The following FGF13 variants were observed in gnomAD, a reference collection of about 807,000 sequenced individuals.
FGF13 encodes the protein fibroblast growth factor 13, also known as fibroblast growth factor homologous factor 2.
Under a neutral mutation model 19.5 loss-of-function variants are expected in FGF13, and 2 were observed. That is an observed-to-expected ratio of 0.10 (90% confidence interval 0.04 to 0.32). The LOEUF (loss-of-function observed/expected upper bound fraction) is 0.32, where lower values mean the gene tolerates loss of function less well. Among genes scored for constraint, FGF13 ranks in the 10% least tolerant of loss-of-function variants. FGF13 has a pLI of 1.00. For missense variants in FGF13, 113 were observed against 192.7 expected, an observed-to-expected ratio of 0.59 and a Z score of 2.45; for synonymous variants, 72 against 76.9, an observed-to-expected ratio of 0.94 and a Z score of 0.33.
chrX:138,794,289 T>C (rs1466118109), intron 3 of FGF13, among the ~76,000 whole-genome samples: 1 of 111,863 alleles, frequency 8.9e-6, no homozygotes, highest in African/African-American at 3.3e-5. Flanking sequence ...ATGAAATGAA[T>C]GATTCATAAG....
chrX:139,142,019 G>A (rs776614289), intron 1 of FGF13, among the ~76,000 whole-genome samples: 13 of 111,680 alleles, frequency 1.2e-4, no homozygotes, highest in African/African-American at 3.3e-4. Flanking sequence ...GCAGACTGAA[G>A]ACATTGCCGG....
intron 1 of FGF13, among the ~76,000 whole-genome samples, chrX:138,910,854 T>G (rs754821816): frequency 1.8e-5 from 2 of 112,271 alleles, no homozygotes; most frequent in Non-Finnish European, 3.8e-5. Context: ...TCCAGGCTGA[T>G]CTGATTTCCA....
At chrX:139,161,069 A>G (rs1180244252) in intron 1 of FGF13, among the ~76,000 whole-genome samples, 1 of 112,154 alleles carries the variant, frequency 8.9e-6, no homozygotes, top group African/African-American at 3.2e-5. Flanking sequence ...GCCAATATCC[A>G]TGATGAACAT....
chrX:138,837,943 G>A, intron 3 of FGF13, among the ~76,000 whole-genome samples: 1 of 112,356 alleles, frequency 8.9e-6, no homozygotes, highest in Non-Finnish European at 1.9e-5. Flanking sequence ...GCCCAGTGAG[G>A]AGGAAAAGAG....
At chrX:138,846,283 G>C (rs2091182830) in intron 3 of FGF13, among the ~76,000 whole-genome samples, 1 of 108,211 alleles carries the variant, frequency 9.2e-6, no homozygotes. Flanking sequence ...CCTTGTCCCA[G>C]TGTTTTGTGC....
At chrX:138,932,016 T>G (rs2091703898) in intron 1 of FGF13, among the ~76,000 whole-genome samples, 1 of 104,058 alleles carries the variant, frequency 9.6e-6, no homozygotes, top group Admixed American at 1.0e-4. Context: ...CCACCCCCCA[T>G]TTTAAAGGTC....
chrX:139,142,921 GTTGA>G (rs968902586), intron 1 of FGF13, among the ~76,000 whole-genome samples: 1 of 111,600 alleles, frequency 9.0e-6, no homozygotes, highest in Non-Finnish European at 1.9e-5. Context: ...ATCTTGGATG[GTTGA>G]TATGTCATCA....
intron 3 of FGF13, among the ~76,000 whole-genome samples, chrX:138,770,254 T>C (rs1569388876): frequency 9.0e-6 from 1 of 111,582 alleles, no homozygotes; most frequent in Non-Finnish European, 1.9e-5. Context: ...CCACAGGGCA[T>C]TGTTTAATTC....
upstream of FGF13, among the ~76,000 whole-genome samples, chrX:138,742,545 A>C (rs1442815538): frequency 9.0e-6 from 1 of 110,782 alleles, no homozygotes; most frequent in East Asian, 2.9e-4. Flanking sequence ...CCCGGAGGTC[A>C]TGATCTATCA....
intron 1 of FGF13, among the ~76,000 whole-genome samples, chrX:138,999,895 G>T (rs965618437): frequency 1.8e-5 from 2 of 111,510 alleles, no homozygotes; most frequent in Non-Finnish European, 3.8e-5. Flanking sequence ...AAAGAAAATT[G>T]TAGGCCAATA....
At chrX:138,701,164 G>A (rs2089942444) in intron 3 of FGF13, among the ~76,000 whole-genome samples, 1 of 111,944 alleles carries the variant, frequency 8.9e-6, no homozygotes, top group African/African-American at 3.2e-5. Context: ...GCACCATAAC[G>A]GTGACTGCAA....
chrX:138,917,786 T>A (rs898619283), intron 1 of FGF13, among the ~76,000 whole-genome samples: 9 of 111,146 alleles, frequency 8.1e-5, no homozygotes, highest in Non-Finnish European at 1.7e-4. Flanking sequence ...CATCTGGGGG[T>A]GTGTATTTCA....
intron 3 of FGF13, among the ~76,000 whole-genome samples, chrX:138,685,675 A>C (rs1324882666): frequency 1.8e-5 from 2 of 111,595 alleles, no homozygotes; most frequent in Non-Finnish European, 3.8e-5. Flanking sequence ...ACTTAAAAGT[A>C]TGTATTTTAA....
At chrX:139,162,904 G>C (rs2084047716) in intron 1 of FGF13, among the ~76,000 whole-genome samples, 1 of 112,256 alleles carries the variant, frequency 8.9e-6, no homozygotes, top group African/African-American at 3.2e-5. Flanking sequence ...AGATGCTACA[G>C]AGGATGTGGA....
chrX:138,659,766 G>A (rs1220336492), intron 3 of FGF13, among the ~76,000 whole-genome samples: 1 of 111,810 alleles, frequency 8.9e-6, no homozygotes, highest in Non-Finnish European at 1.9e-5. Context: ...CAGGGACACA[G>A]ATGAAGCTGA....
At chrX:138,861,575 C>T (rs946839793) in intron 2 of FGF13, among the ~76,000 whole-genome samples, 2 of 112,051 alleles carry the variant, frequency 1.8e-5, no homozygotes, top group Non-Finnish European at 3.8e-5. Flanking sequence ...TAATTTAATG[C>T]CACTCCTTTG....
intron 1 of FGF13, among the ~76,000 whole-genome samples, chrX:139,067,899 G>A (rs1248670471): frequency 9.3e-6 from 1 of 107,662 alleles, no homozygotes; most frequent in African/African-American, 3.5e-5. Flanking sequence ...TTTGTCAGAT[G>A]AGTAGGCTGT....
chrX:138,932,707 T>TA (rs1440678402), intron 1 of FGF13, among the ~76,000 whole-genome samples: 1 of 96,531 alleles, frequency 1.0e-5, no homozygotes, highest in African/African-American at 4.7e-5. Context: ...GAGTGTAGTG[T>TA]GTGTGTGTGT....
chrX:138,770,071 G>T (rs1427781841), intron 3 of FGF13, among the ~76,000 whole-genome samples: 1 of 112,118 alleles, frequency 8.9e-6, no homozygotes, highest in Non-Finnish European at 1.9e-5. Flanking sequence ...TGCATACTAT[G>T]CCCCTCTCTT....
Sources: gnomAD v4.1 joint callset for allele counts (sites outside exome capture counted in the v4.1 genomes callset) on GRCh38, gnomAD v4.1.1 for gene constraint, MANE v1.5 for transcripts, NCBI Gene and HGNC (gene_info 2026-07-23, HGNC 2026-07-21) for gene names.